SMARCA4: variants seen among roughly 807,000 people sequenced by gnomAD.
SMARCA4 encodes the protein SWI/SNF-related matrix-associated actin-dependent regulator of chromatin subfamily A member 4.
SMARCA4 carries 31 observed loss-of-function variants against 193.9 expected under a neutral mutation model. The ratio of observed to expected loss-of-function variants is 0.16; its 90% confidence interval spans 0.12 to 0.22. The LOEUF is 0.22. SMARCA4 is among the 10% of genes least tolerant of loss of function. The probability of loss-of-function intolerance (pLI) is 1.00; values close to 1 mark genes in which losing one functional copy is unlikely to be tolerated. For synonymous variants in SMARCA4, 942 were observed against 933.1 expected (o/e 1.01, Z -0.17); for missense variants, 1,148 against 2,296.0 (o/e 0.50, Z 10.22).
In SMARCA4 at chr19:11,041,993, G is replaced by A. The variant is rs544734242; in HGVS notation, c.4424+433G>A. The stretch of plus-strand genomic sequence containing the variant: ...GTGCTGCCCGTGTGGCCAGGAGGTT[G>A]GGGACAAGAGGCTGGCATGTCTGGA... On this transcript the variant is annotated intron_variant, in intron 30 of 34. Transcript: ENST00000344626. The surrounding 1 kb of genome is among the most constrained non-coding windows in gnomAD (Gnocchi z 5.6). 4.5e-4 allele frequency among the ~76,000 whole-genome samples: 68 copies of A among 152,332 alleles called. No individual in the cohort carries two copies. The highest frequency in any genetic ancestry group is 1.6e-3 in the African/African-American group (67 of 41,582).
chr19:11,019,126 G>C lies in SMARCA4; in HGVS notation c.2505+103G>C. The C allele has an allele frequency of 1.1e-6, 1 of 908,860 alleles. No homozygotes were observed. Among genetic ancestry groups the C allele is most frequent in the Non-Finnish European group, 1.8e-6 (1 of 544,700 alleles). 56.3% of individuals were successfully genotyped at this position (908,860 alleles called of 1,614,324 possible). ...CTGGACAGTGAACCTGAGAATGCTGGGTCTCCAGTCGCATGGAGTCTCCAG... is the reference window on the plus strand; with the variant it reads ...CTGGACAGTGAACCTGAGAATGCTGCGTCTCCAGTCGCATGGAGTCTCCAG... On this transcript the variant is annotated intron_variant, in intron 17 of 34. Coordinates refer to ENST00000344626, the MANE Select transcript of SMARCA4 (RefSeq NM_003072.5). The surrounding 1 kb of genome is among the most constrained non-coding windows in gnomAD (Gnocchi z 6.1).
In SMARCA4 at chr19:11,019,926, C is replaced by T. The variant is rs2089708482; in HGVS notation, c.2616+225C>T. On this transcript the variant is annotated intron_variant, in intron 18 of 34. Coordinates refer to ENST00000344626, the MANE Select transcript of SMARCA4 (RefSeq NM_003072.5). This position sits in a 1 kb window ranked among gnomAD's most constrained non-coding sequence, Gnocchi z 6.1. ...CCTGAGTCAGGCCCAGAAGCTGGGG[C>T]CATCTACACAGCATGCGCTCTGCCT... 6.6e-6 allele frequency among the ~76,000 whole-genome samples: 1 copy of T among 151,378 alleles called. No homozygotes were observed. Among genetic ancestry groups the T allele is most frequent in the African/African-American group, 2.4e-5 (1 of 41,130 alleles).
chr19:11,058,491 A>G lies in SMARCA4; in HGVS notation c.4533+128A>G. 1.3e-6 allele frequency: 1 copy of G among 755,528 alleles called. No homozygotes were observed. The highest frequency in any genetic ancestry group is 1.5e-5 in the South Asian group (1 of 68,354). The allele number at this position is 755,528 out of a possible 1,614,324, so 46.8% of individuals were successfully genotyped here. On this transcript the variant is annotated intron_variant, in intron 31 of 34. Transcript: ENST00000344626. The surrounding 1 kb of genome is among the most constrained non-coding windows in gnomAD (Gnocchi z 5.8). Reference sequence around the variant, plus strand: ...AACCACCTAGGCGGTGCCTTGGGCTACCTGGTTAGGGACCTGGTCGTGGGC... The same window carrying G: ...AACCACCTAGGCGGTGCCTTGGGCTGCCTGGTTAGGGACCTGGTCGTGGGC...
chr19:11,053,816 C>A (rs1433506228), intron 30 of SMARCA4, among the ~76,000 whole-genome samples: 1 of 151,954 alleles, frequency 6.6e-6, no homozygotes, highest in Non-Finnish European at 1.5e-5. Flanking sequence ...GAGGCTGAAG[C>A]AGTAGGATCT....
At chr19:10,979,020 T>C (rs1159199588) in intron 1 of SMARCA4, among the ~76,000 whole-genome samples, 1 of 152,032 alleles carries the variant, frequency 6.6e-6, no homozygotes, top group African/African-American at 2.4e-5. Context: ...CTCCGTGCCA[T>C]TAGTTGTGAG....
intron 30 of SMARCA4, among the ~76,000 whole-genome samples, chr19:11,053,533 AT>A (rs1163462354): frequency 1.3e-5 from 2 of 152,068 alleles, no homozygotes; most frequent in Admixed American, 6.6e-5. Context: ...AAGCCCACCG[AT>A]TTCTGCGTTG....
chr19:11,020,036 C>T (rs2146383222), intron 18 of SMARCA4, among the ~76,000 whole-genome samples: 1 of 152,314 alleles, frequency 6.6e-6, no homozygotes, highest in Admixed American at 6.5e-5. Context: ...CTTGGCCAGA[C>T]CAGTCTTGTC....
intron 29 of SMARCA4, among the ~76,000 whole-genome samples, chr19:11,037,391 G>T (rs748673972): frequency 6.6e-6 from 1 of 152,172 alleles, no homozygotes; most frequent in Non-Finnish European, 1.5e-5. Flanking sequence ...GGTTGGATTT[G>T]CATTTCCCTG....
chr19:10,973,932 G>A (rs1416183005), intron 1 of SMARCA4, among the ~76,000 whole-genome samples: 2 of 151,986 alleles, frequency 1.3e-5, no homozygotes, highest in East Asian at 1.9e-4. Flanking sequence ...CATAGTAAAC[G>A]GGGCTGGCTC....
intron 30 of SMARCA4, among the ~76,000 whole-genome samples, chr19:11,043,268 G>C (rs896379951): frequency 6.6e-6 from 1 of 152,156 alleles, no homozygotes; most frequent in Non-Finnish European, 1.5e-5. Flanking sequence ...CAGCCTGGGG[G>C]ACAGAGTGAG....
intron 14 of SMARCA4, 120 bp from the exon 15 acceptor site, chr19:11,010,261 C>G (rs17616318): frequency 1.8e-6 from 2 of 1,129,476 alleles, no homozygotes; most frequent in East Asian, 4.7e-5. Context: ...ATGTGTCTTA[C>G]AGTGCTGGCC....
chr19:11,001,771 C>T (rs1172132273), intron 11 of SMARCA4, among the ~76,000 whole-genome samples: 1 of 152,158 alleles, frequency 6.6e-6, no homozygotes, highest in African/African-American at 2.4e-5. Context: ...GTTATAAATT[C>T]CTGGAAGATG....
rs549183249 is a variant in SMARCA4, at chr19:11,036,944, C to T, written c.4170+1812C>T. Among the ~76,000 whole-genome samples, 5 of 152,320 alleles carry T rather than the reference C, an allele frequency of 3.3e-5. 1 individual carries two copies. In the South Asian group the frequency reaches 1.0e-3, roughly 32 times the overall value. ...TTTTTCACGCAATGTAACATGCTGA[C>T]CCATGATGCAGCAGGTGTGTTGCAT... On this transcript the variant is annotated intron_variant, in intron 29 of 34. Coordinates refer to ENST00000344626, the MANE Select transcript of SMARCA4 (RefSeq NM_003072.5).
chr19:11,043,244 A>C (rs1418641135), intron 30 of SMARCA4, among the ~76,000 whole-genome samples: 1 of 152,040 alleles, frequency 6.6e-6, no homozygotes, highest in Non-Finnish European at 1.5e-5. Flanking sequence ...ACCCAAGATC[A>C]CATCAGTGCA....
chr19:10,996,641 A>G (rs1250456731), intron 11 of SMARCA4, 97 bp downstream of exon 11: 1 of 1,164,674 alleles, frequency 8.6e-7, no homozygotes. Flanking sequence ...AATTACGAAC[A>G]ATGATATGTG....
intron 11 of SMARCA4, among the ~76,000 whole-genome samples, chr19:11,000,402 C>T (rs576025681): frequency 6.6e-6 from 1 of 152,206 alleles, no homozygotes; most frequent in South Asian, 2.1e-4. Flanking sequence ...GGTGCGCACG[C>T]CTGTAGTCCC....
At chr19:10,976,060 T>A (rs924844190) in intron 1 of SMARCA4, among the ~76,000 whole-genome samples, 1 of 152,186 alleles carries the variant, frequency 6.6e-6, no homozygotes, top group Non-Finnish European at 1.5e-5. Context: ...CCCCTGCTAG[T>A]GACTTATCAT....
chr19:11,026,339 G>A lies in SMARCA4; in HGVS notation c.3208G>A (p.Val1070Ile), dbSNP rs2090255604. 2 of 1,613,850 alleles carry A rather than the reference G, an allele frequency of 1.2e-6. No individual in the cohort carries two copies. Among genetic ancestry groups the A allele is most frequent in the Non-Finnish European group, 1.7e-6 (2 of 1,179,846 alleles). Residue 1070 changes from valine to isoleucine, a missense_variant, in exon 23 of 35, where the codon GTC becomes ATC. Coordinates refer to ENST00000344626, the MANE Select transcript of SMARCA4 (RefSeq NM_003072.5). The part of the protein sequence containing the change: ...SEHLGFTGGI[V>I]QGLDLYRASG... Reference sequence around the variant, plus strand: ...GCACTTGGGGTTCACTGGCGGCATTGTCCAAGGGTGAGAAGCTTCCCAACT... The same window carrying A: ...GCACTTGGGGTTCACTGGCGGCATTATCCAAGGGTGAGAAGCTTCCCAACT...
chr19:10,991,143 C>T lies in SMARCA4; in HGVS notation c.1246-7C>T, dbSNP rs757073121. The T allele has an allele frequency of 3.1e-6, 5 of 1,613,432 alleles. No individual in the cohort carries two copies. The highest frequency in any genetic ancestry group is 3.4e-6 in the Non-Finnish European group (4 of 1,179,964). On this transcript the variant is annotated splice_region_variant and splice_polypyrimidine_tract_variant and intron_variant, in intron 7 of 34. Transcript: ENST00000344626. The stretch of plus-strand genomic sequence containing the variant: ...AGTGCGCGGGCTTGTCCTCTTCCCT[C>T]CTACAGCTGCGCCAGGAGGTGGTGG...
Sources: allele counts gnomAD v4.1 joint callset (sites outside exome capture counted in the v4.1 genomes callset), GRCh38; gene constraint gnomAD v4.1.1; non-coding constraint Gnocchi (gnomAD v3.1); transcripts MANE v1.5; gene names NCBI Gene and HGNC (gene_info 2026-07-23, HGNC 2026-07-21).